The following HDAC8 variants were observed in gnomAD, a reference collection of about 807,000 sequenced individuals.
HDAC8 encodes histone deacetylase 8.
A neutral mutation model predicts 32.2 loss-of-function variants in HDAC8; 1 was observed. The ratio of observed to expected loss-of-function variants is 0.03; its 90% CI spans 0.01 to 0.15. HDAC8 has a LOEUF of 0.15. Ranked by LOEUF, HDAC8 falls within the 10% of genes least tolerant of loss-of-function variation. HDAC8 has a pLI of 1.00. For missense variants in HDAC8, 117 were observed against 300.0 expected (o/e 0.39, Z 4.51); for synonymous variants, 108 against 113.9 (o/e 0.95, Z 0.33).
intron 9 of HDAC8, among the ~76,000 whole-genome samples, chrX:72,456,498 G>A (rs2047722007): frequency 9.0e-6 from 1 of 111,465 alleles, no homozygotes; most frequent in African/African-American, 3.3e-5. Context: ...ACTCTAATAA[G>A]TTAAAAATGC....
chrX:72,503,741 A>G (rs1168410763), intron 4 of HDAC8, among the ~76,000 whole-genome samples: 1 of 112,118 alleles, frequency 8.9e-6, no homozygotes, highest in Non-Finnish European at 1.9e-5. Flanking sequence ...CCAAGGCCTT[A>G]CCTGGAATGC....
chrX:72,434,879 T>C (rs1468601215), intron 9 of HDAC8, among the ~76,000 whole-genome samples: 2 of 112,365 alleles, frequency 1.8e-5, no homozygotes, highest in Non-Finnish European at 3.8e-5. Context: ...ACTGGTTAAA[T>C]GATTTGCTCA....
At chrX:72,563,154 T>A (rs1402973896) in intron 4 of HDAC8, among the ~76,000 whole-genome samples, 1 of 111,742 alleles carries the variant, frequency 8.9e-6, no homozygotes, top group African/African-American at 3.3e-5. Context: ...AGTGCTTGGA[T>A]TACAGGCATG....
chrX:72,394,327 T>C (rs2045699381), intron 9 of HDAC8, among the ~76,000 whole-genome samples: 1 of 111,090 alleles, frequency 9.0e-6, no homozygotes. Flanking sequence ...TAAGGCCGAT[T>C]TATGCTTCTA....
chrX:72,506,143 C>T (rs2049384072), intron 4 of HDAC8, among the ~76,000 whole-genome samples: 1 of 111,940 alleles, frequency 8.9e-6, no homozygotes, highest in Non-Finnish European at 1.9e-5. Context: ...GCCGACCATG[C>T]ATGACTAGAA....
chrX:72,457,335 C>T (rs1295298289), intron 9 of HDAC8, among the ~76,000 whole-genome samples: 3 of 111,997 alleles, frequency 2.7e-5, no homozygotes, highest in Non-Finnish European at 5.6e-5. Context: ...CATTTCCACT[C>T]AGCATTGCAC....
intron 9 of HDAC8, among the ~76,000 whole-genome samples, chrX:72,400,816 C>T (rs193001442): frequency 2.7e-5 from 3 of 112,008 alleles, no homozygotes; most frequent in Non-Finnish European, 3.8e-5. Flanking sequence ...CTGAATGTTG[C>T]CCTCGGCAGC....
chrX:72,542,074 A>T (rs1327343152), intron 4 of HDAC8, among the ~76,000 whole-genome samples: 1 of 111,948 alleles, frequency 8.9e-6, no homozygotes, highest in Non-Finnish European at 1.9e-5. Flanking sequence ...CCCAACAGCC[A>T]ATTGATCACC....
chrX:72,462,061 T>G lies in HDAC8; in HGVS notation c.948A>C (p.Thr316=), dbSNP rs1407170319. 4 of 1,208,168 alleles carry G rather than the reference T, an allele frequency of 3.3e-6. No individual in the cohort carries two copies. The African/African-American group carries it at 7.0e-5, about 21-fold the overall frequency. ...TCCCTAGGATGACCCCGGTCAAGTATGTCCAGCATCGAGCCGTGTTGGCAA... is the reference window on the plus strand; with the variant it reads ...TCCCTAGGATGACCCCGGTCAAGTAGGTCCAGCATCGAGCCGTGTTGGCAA... ...YNLANTARCW[T]YLTGVILGKT... The change falls in exon 9 of 11, where the codon ACA becomes ACC. Residue 316 remains threonine, a synonymous_variant. Coordinates refer to ENST00000373573, the MANE Select transcript of HDAC8 (RefSeq NM_018486.3).
intron 9 of HDAC8, among the ~76,000 whole-genome samples, chrX:72,409,876 GT>G (rs2046146671): frequency 8.9e-6 from 1 of 112,508 alleles, no homozygotes; most frequent in African/African-American, 3.2e-5. Flanking sequence ...CCTACTGATT[GT>G]TTTTCATCCC....
At chrX:72,413,928 C>G (rs913327245) in intron 9 of HDAC8, among the ~76,000 whole-genome samples, 10 of 112,087 alleles carry the variant, frequency 8.9e-5, no homozygotes, top group Non-Finnish European at 1.5e-4. Flanking sequence ...AAATCACCTT[C>G]TTGAGGTCTG....
intron 4 of HDAC8, among the ~76,000 whole-genome samples, chrX:72,559,227 G>A (rs1409371488): frequency 7.5e-5 from 8 of 106,506 alleles, no homozygotes; most frequent in Non-Finnish European, 1.2e-4. Context: ...GTGCTGCCAC[G>A]CCTGACTGGT....
At chrX:72,340,551 C>T (rs941149019) in intron 10 of HDAC8, among the ~76,000 whole-genome samples, 1 of 65,707 alleles carries the variant, frequency 1.5e-5, no homozygotes, top group Non-Finnish European at 3.2e-5. Context: ...GACCAACTCT[C>T]GCTCTCTTGC....
intron 9 of HDAC8, among the ~76,000 whole-genome samples, chrX:72,367,290 T>C (rs1296469630): frequency 8.9e-6 from 1 of 112,056 alleles, no homozygotes; most frequent in African/African-American, 3.2e-5. Flanking sequence ...CAGGCCCACA[T>C]GGCACAGGGG....
chrX:72,469,896 T>C (rs2048118471), intron 7 of HDAC8, among the ~76,000 whole-genome samples: 1 of 110,709 alleles, frequency 9.0e-6, no homozygotes, highest in Admixed American at 9.7e-5. Flanking sequence ...ATACCTGTAA[T>C]CCAGCACTTT....
intron 9 of HDAC8, among the ~76,000 whole-genome samples, chrX:72,441,038 G>A (rs1052965749): frequency 8.8e-6 from 1 of 113,090 alleles, no homozygotes; most frequent in African/African-American, 3.2e-5. Flanking sequence ...CGGGAAGCTC[G>A]AACTGGGTGG....
At chrX:72,544,613 G>A (rs889688026) in intron 4 of HDAC8, among the ~76,000 whole-genome samples, 5 of 111,499 alleles carry the variant, frequency 4.5e-5, no homozygotes, top group Admixed American at 9.5e-5. Flanking sequence ...CCAGAAACAC[G>A]ATTTTTACAC....
chrX:72,361,470 A>T (rs951005053), intron 9 of HDAC8, among the ~76,000 whole-genome samples: 2 of 111,493 alleles, frequency 1.8e-5, no homozygotes, highest in Admixed American at 9.6e-5. Flanking sequence ...GCTCACTGTA[A>T]CTTGAGCACT....
At chrX:72,431,805 T>C (rs1706497902) in intron 9 of HDAC8, among the ~76,000 whole-genome samples, 1 of 112,127 alleles carries the variant, frequency 8.9e-6, no homozygotes, top group Admixed American at 9.5e-5. Context: ...CATCTGGTTT[T>C]CTTTCCATAA....
Sources: allele counts gnomAD v4.1 joint callset (sites outside exome capture counted in the v4.1 genomes callset), GRCh38; gene constraint gnomAD v4.1.1; transcripts MANE v1.5; gene names NCBI Gene and HGNC (gene_info 2026-07-23, HGNC 2026-07-21).